Variants in RESP18 observed in about 807,000 individuals in gnomAD.
The protein encoded by RESP18 is regulated endocrine specific protein 18, also known as regulated endocrine-specific protein 18.
A neutral mutation model predicts 30.0 loss-of-function variants in RESP18; 30 were observed. The observed-to-expected ratio is 1.00, with a 90% CI of 0.75 to 1.36. The LOEUF (loss-of-function observed/expected upper bound fraction) is 1.36, where lower values mean the gene tolerates loss of function less well. Ranked by LOEUF, RESP18 falls within the 40% of genes most tolerant of loss-of-function variation. RESP18 has a pLI of 0.00. For missense variants in RESP18, 320 were observed against 284.2 expected, an observed-to-expected ratio of 1.13 and a Z score of -0.91; for synonymous variants, 117 against 111.2, an observed-to-expected ratio of 1.05 and a Z score of -0.33.
chr2:219,332,666 C>G lies in RESP18; in HGVS notation c.90G>C (p.Glu30Asp). 6.4e-7 allele frequency: 1 copy of G among 1,551,038 alleles called. No homozygotes were observed. The highest frequency in any genetic ancestry group is 1.2e-5 in the South Asian group (1 of 84,058). Residue 30 changes from glutamate (E) to aspartate (D), a missense_variant, in exon 2 of 7, where the codon GAG becomes GAC. Glu to Asp is a conservative substitution (Grantham distance 45). Coordinates refer to ENST00000333527, the MANE Select transcript of RESP18 (RefSeq NM_001007089.4). ...CGGCGCGCTCACTCCCCGGCCAAGT[C>G]TCAGTGAAGGTAGCGGCCACGGCCG...
intron 3 of RESP18, 129 bp from the exon 3 acceptor site, chr2:219,329,893 T>A: frequency 1.1e-6 from 1 of 921,458 alleles, no homozygotes; most frequent in Non-Finnish European, 1.6e-6. Context: ...AGATGATGTA[T>A]TAAAGTTGCT....
chr2:219,328,365 G>A (rs1012760812), intron 6 of RESP18, among the ~76,000 whole-genome samples: 12 of 151,990 alleles, frequency 7.9e-5, no homozygotes, highest in African/African-American at 2.7e-4. Flanking sequence ...ATTCGTAGTG[G>A]CAATGCTGTC....
intron 2 of RESP18, 96 bp downstream of exon 1, chr2:219,332,428 A>T: frequency 1.1e-6 from 1 of 870,432 alleles, no homozygotes; most frequent in Non-Finnish European, 1.8e-6. Flanking sequence ...ACATTCTTTT[A>T]CTTCCAAGTT....
At chr2:219,330,488 G>C (rs114006326) in intron 3 of RESP18, among the ~76,000 whole-genome samples, 3 of 151,678 alleles carry the variant, frequency 2.0e-5, no homozygotes, top group African/African-American at 2.4e-5. Flanking sequence ...GCTGGGGTTG[G>C]GGGGAGACTA....
Position 219,332,518 on chromosome 2 carries a change from C to G in RESP18, c.232+6G>C. 1 of 1,549,394 alleles carries G rather than the reference C, an allele frequency of 6.5e-7. No homozygotes were observed. The highest frequency in any genetic ancestry group is 1.2e-5 in the South Asian group (1 of 83,954). ...CCTGCCCGCACCCCCCAGGGTTCCTCCTGACCGTGGGCACTAGTGTCGCTG... is the reference window on the plus strand; with the variant it reads ...CCTGCCCGCACCCCCCAGGGTTCCTGCTGACCGTGGGCACTAGTGTCGCTG... On this transcript the variant is annotated splice_donor_region_variant and intron_variant, in intron 2 of 6. Transcript: ENST00000333527.
chr2:219,329,872 A>G lies in RESP18; in HGVS notation c.338-108T>C. ...GTATATATTAGATTACATTTTACAG[A>G]GAATTAAACAAGATGATGTATTAAA... is the stretch of plus-strand genomic sequence containing the variant. On this transcript the variant is annotated intron_variant, in intron 3 of 6. Coordinates refer to ENST00000333527, the MANE Select transcript of RESP18 (RefSeq NM_001007089.4). 3 of 1,131,810 alleles carry G rather than the reference A, an allele frequency of 2.7e-6. No homozygotes were observed. The South Asian group carries it at 5.0e-5, about 19-fold the overall frequency. 70.1% of individuals were successfully genotyped at this position (1,131,810 alleles called of 1,614,324 possible).
intron 6 of RESP18, among the ~76,000 whole-genome samples, chr2:219,328,293 A>G (rs1514748): frequency 0.2 from 30,332 of 152,106 alleles, 3,824 homozygotes; most frequent in African/African-American, 0.33. Flanking sequence ...CTCCACCCTC[A>G]TCTTTGACCA....
At chr2:219,327,652 A>AATCTT in intron 6 of RESP18, 89 bp from the exon 6 acceptor site, 1 of 1,133,894 alleles carries the variant, frequency 8.8e-7, no homozygotes, top group South Asian at 1.3e-5. Flanking sequence ...ATACTGTAGT[A>AATCTT]ACAGCCTGAT....
At chr2:219,330,923 C>T in intron 2 of RESP18, 48 bp from the exon 2 acceptor site, 1 of 1,112,668 alleles carries the variant, frequency 9.0e-7, no homozygotes, top group Admixed American at 2.0e-5. Context: ...CAGAGCCTTC[C>T]ACATCCCAGT....
intron 6 of RESP18, 63 bp downstream of exon 5, chr2:219,328,861 A>G (rs1952799348): frequency 9.3e-7 from 1 of 1,079,810 alleles, no homozygotes; most frequent in East Asian, 2.6e-5. Flanking sequence ...CATATATGGC[A>G]AAAAGGACGT....
intron 2 of RESP18, among the ~76,000 whole-genome samples, chr2:219,331,482 G>GGT (rs1952830061): frequency 6.6e-6 from 1 of 152,140 alleles, no homozygotes. Context: ...GAGCCATTCT[G>GGT]GACAGGTCTT....
At chr2:219,333,099 CTA>C (rs5838736) in intron 1 of RESP18, 160,415 of 1,102,638 alleles carry the variant, frequency 0.15, 11,301 homozygotes, top group East Asian at 0.45. Context: ...GTTCGATCTG[CTA>C]TATATATATA....
intron 2 of RESP18, among the ~76,000 whole-genome samples, chr2:219,331,987 G>T (rs1261218191): frequency 1.3e-5 from 2 of 152,236 alleles, no homozygotes; most frequent in African/African-American, 4.8e-5. Flanking sequence ...CTGCGCAGGA[G>T]TTCTCGAGTG....
Position 219,332,530 on chromosome 2 carries a change from C to A in RESP18, c.226G>T (p.Ala76Ser), listed in dbSNP as rs1284321960. 1.3e-6 allele frequency: 2 copies of A among 1,550,726 alleles called. No individual in the cohort carries two copies. The highest frequency in any genetic ancestry group is 2.7e-5 in the African/African-American group (2 of 73,152). The change falls in exon 2 of 7, where the codon GCC becomes TCC. Residue 76 changes from alanine to serine, a missense_variant. Physicochemically the swap from Ala to Ser is moderately conservative, Grantham distance 99. Transcript: ENST00000333527. ...CCCCAGGGTTCCTCCTGACCGTGGGCACTAGTGTCGCTGCAGCCCCCCGGG... is the reference window on the plus strand; with the variant it reads ...CCCCAGGGTTCCTCCTGACCGTGGGAACTAGTGTCGCTGCAGCCCCCCGGG...
In RESP18 at chr2:219,330,761, T is replaced by G; in HGVS notation, c.337+10A>C. ...CAGGCCCCAACCTCTGTTCTCCAGC[T>G]TTTACTTACCTTGGGGTATAATCTG... On this transcript the variant is annotated intron_variant, in intron 3 of 6. Coordinates refer to ENST00000333527, the MANE Select transcript of RESP18 (RefSeq NM_001007089.4). The G allele has an allele frequency of 6.5e-7, 1 of 1,530,558 alleles. No individual in the cohort carries two copies. The allele number at this position is 1,530,558 out of a possible 1,614,324, so 94.8% of individuals were successfully genotyped here. A position where few individuals can be genotyped will look rare whatever the true frequency, so the allele number is the denominator to read the frequency against.
At chr2:219,332,854 C>T (rs1280906805) in intron 1 of RESP18, 110 bp from the exon 1 acceptor site, 4 of 869,968 alleles carry the variant, frequency 4.6e-6, no homozygotes, top group African/African-American at 1.7e-5. Context: ...ATTCCTGACC[C>T]GGCTCCTTTC....
chr2:219,328,867 G>C, intron 6 of RESP18, 57 bp downstream of exon 5: 1 of 1,112,920 alleles, frequency 9.0e-7, no homozygotes, highest in Non-Finnish European at 1.3e-6. Flanking sequence ...TGGCAAAAAG[G>C]ACGTTTAATT....
rs746136536 is a variant in RESP18, at chr2:219,329,746, T to C, written c.356A>G (p.Asp119Gly). Reference sequence around the variant, plus strand: ...TTGGATCATTGCATCCTGGGTGATGTCATCCTTCCAGAACAGACCTGCAGG... The same window carrying C: ...TTGGATCATTGCATCCTGGGTGATGCCATCCTTCCAGAACAGACCTGCAGG... Residue 119 changes from aspartate (D) to glycine (G), a missense_variant, in exon 4 of 7, where the codon GAC becomes GGC. Physicochemically the swap from Asp to Gly is moderately conservative, Grantham distance 94. Transcript: ENST00000333527. 8.1e-5 allele frequency: 125 copies of C among 1,551,668 alleles called. 1 individual carries two copies. The African/African-American group carries it at 1.5e-3, about 18-fold the overall frequency.
rs1378707079 is a variant in RESP18, at chr2:219,330,531, T to G, written c.337+240A>C. Among the ~76,000 whole-genome samples the G allele has an allele frequency of 6.1e-5, 8 of 131,936 alleles. No homozygotes were observed. In the South Asian group the frequency reaches 1.6e-3, roughly 26 times the overall value. 86.6% of individuals were successfully genotyped at this position (131,936 alleles called of 152,430 possible). On this transcript the variant is annotated intron_variant, in intron 3 of 6. Transcript: ENST00000333527. ...GGAGTTGGATGCTGGCCGTTTTCAGTTTTGTTTTTTTTTTTCCCTAGAAGC... is the reference window on the plus strand; with the variant it reads ...GGAGTTGGATGCTGGCCGTTTTCAGGTTTGTTTTTTTTTTTCCCTAGAAGC...
Sources: gnomAD v4.1 joint callset for allele counts (sites outside exome capture counted in the v4.1 genomes callset) on GRCh38, gnomAD v4.1.1 for gene constraint, MANE v1.5 for transcripts, NCBI Gene and HGNC (gene_info 2026-07-23, HGNC 2026-07-21) for gene names.